Variants in ELF1 observed in about 807,000 individuals in gnomAD.
ELF1 encodes E74 like ETS transcription factor 1.
ELF1 carries 24 observed loss-of-function variants against 59.9 expected under a neutral mutation model. That is an observed-to-expected ratio of 0.40 (90% CI 0.29 to 0.56). ELF1 has a LOEUF of 0.56. Ranked by LOEUF, ELF1 falls within the 20% of genes least tolerant of loss-of-function variation. The probability of loss-of-function intolerance (pLI) is 0.44; values close to 1 mark genes in which losing one functional copy is unlikely to be tolerated. For synonymous variants in ELF1, 248 were observed against 266.2 expected, an observed-to-expected ratio of 0.93 and a Z score of 0.67; for missense variants, 627 against 742.2, an observed-to-expected ratio of 0.84 and a Z score of 1.80.
At chr13:40,994,405 A>C (rs1874028761) in intron 1 of ELF1, among the ~76,000 whole-genome samples, 1 of 152,204 alleles carries the variant, frequency 6.6e-6, no homozygotes, top group African/African-American at 2.4e-5. Flanking sequence ...GACTCTGGGA[A>C]GCCCAAGAGG....
Position 40,938,815 on chromosome 13 carries a change from T to C in ELF1, c.1256+2106A>G, listed in dbSNP as rs2138117248. Reference sequence around the variant, plus strand: ...GATTTTATTAATAAGTCATCAAAAATCAAGAAAGATATAGTCAAAGAGAAA... The same window carrying C: ...GATTTTATTAATAAGTCATCAAAAACCAAGAAAGATATAGTCAAAGAGAAA... On this transcript the variant is annotated intron_variant, in intron 8 of 8. Coordinates refer to ENST00000239882, the MANE Select transcript of ELF1 (RefSeq NM_172373.4). Among the ~76,000 whole-genome samples the C allele has an allele frequency of 1.3e-5, 2 of 151,598 alleles. 1 individual carries two copies. Among genetic ancestry groups the C allele is most frequent in the South Asian group, 4.2e-4 (2 of 4,814 alleles).
At chr13:41,039,648 C>T (rs1773540036) in intron 1 of ELF1, among the ~76,000 whole-genome samples, 1 of 152,114 alleles carries the variant, frequency 6.6e-6, no homozygotes, top group South Asian at 2.1e-4. Context: ...AGTTCTAAGA[C>T]AGTTTTTTAT....
chr13:40,987,464 T>C (rs914877672), intron 1 of ELF1, among the ~76,000 whole-genome samples: 4 of 149,322 alleles, frequency 2.7e-5, no homozygotes, highest in African/African-American at 9.8e-5. Flanking sequence ...TGAGTGCCTG[T>C]AATCCCAGCT....
At chr13:40,955,547 T>TGG (rs565781886) in intron 3 of ELF1, among the ~76,000 whole-genome samples, 1 of 22,368 alleles carries the variant, frequency 4.5e-5, no homozygotes, top group Non-Finnish European at 1.6e-4. Flanking sequence ...GGGAAGTAGG[T>TGG]GGGGGGGTCA....
At chr13:41,016,959 T>C (rs530891121) in intron 1 of ELF1, among the ~76,000 whole-genome samples, 1 of 104,180 alleles carries the variant, frequency 9.6e-6, no homozygotes, top group Non-Finnish European at 1.8e-5. Context: ...TATATATATA[T>C]ATATATATAT....
At chr13:40,955,728 A>G (rs868646828) in intron 3 of ELF1, among the ~76,000 whole-genome samples, 92 of 43,200 alleles carry the variant, frequency 2.1e-3, no homozygotes, top group Middle Eastern at 0.014. Context: ...GGAGGCGGGG[A>G]GGTCAGCCCC....
At chr13:40,945,837 AATTTC>A (rs1870469592) in intron 5 of ELF1, among the ~76,000 whole-genome samples, 1 of 152,044 alleles carries the variant, frequency 6.6e-6, no homozygotes, top group African/African-American at 2.4e-5. Flanking sequence ...TGATGTTTTC[AATTTC>A]ATTTCATTTT....
At chr13:40,956,578 A>G (rs1326157654) in intron 3 of ELF1, among the ~76,000 whole-genome samples, 2 of 148,714 alleles carry the variant, frequency 1.3e-5, no homozygotes, top group African/African-American at 4.9e-5. Flanking sequence ...GATCAAAAAA[A>G]AAAAAAAAAA....
chr13:40,975,542 T>G (rs1872854664), intron 2 of ELF1, among the ~76,000 whole-genome samples: 1 of 152,228 alleles, frequency 6.6e-6, no homozygotes, highest in South Asian at 2.1e-4. Context: ...ATTTGAAGTG[T>G]TTTCCACTAA....
intron 8 of ELF1, among the ~76,000 whole-genome samples, chr13:40,934,740 G>A (rs1217704850): frequency 6.6e-6 from 1 of 151,992 alleles, no homozygotes; most frequent in Non-Finnish European, 1.5e-5. Context: ...ATATTTGAGA[G>A]ATAATGTTAC....
Position 40,933,545 on chromosome 13 carries a change from C to T in ELF1, c.1740G>A (p.Glu580=), listed in dbSNP as rs765813749. 6.2e-7 allele frequency: 1 copy of T among 1,614,234 alleles called. No homozygotes were observed. ...EKKESEDHLK[E]NTEKTEQQPQ... ...GCTGCTGCTCCGTTTTCTCAGTGTT[C>T]TCTTTCAAATGATCTTCAGATTCCT... The change falls in exon 9 of 9, where the codon GAG becomes GAA. Residue 580 remains glutamate, a synonymous_variant. Transcript: ENST00000239882.
Position 40,953,522 on chromosome 13 carries a change from G to T in ELF1, c.254-2086C>A, listed in dbSNP as rs143331876. Among the ~76,000 whole-genome samples the T allele has an allele frequency of 8.9e-3, 1,351 of 152,308 alleles. 15 individuals carry two copies. Among genetic ancestry groups the T allele is most frequent in the South Asian group, 0.015 (74 of 4,826 alleles). ...GACAAGTCACCTATAAGTCCAGAAAGAAGCCTCAGAAGGAATTAACTCTAC... is the reference window on the plus strand; with the variant it reads ...GACAAGTCACCTATAAGTCCAGAAATAAGCCTCAGAAGGAATTAACTCTAC... On this transcript the variant is annotated intron_variant, in intron 3 of 8. Coordinates refer to ENST00000239882, the MANE Select transcript of ELF1 (RefSeq NM_172373.4).
At chr13:40,982,384 T>C (rs1873324349) in intron 1 of ELF1, 102 bp from the exon 2 acceptor site, 1 of 764,276 alleles carries the variant, frequency 1.3e-6, no homozygotes, top group Non-Finnish European at 1.6e-6. Context: ...TTTTTATTAT[T>C]AACGTTTTTA....
chr13:40,982,378 T>A (rs1261157093), intron 1 of ELF1, 96 bp from the exon 2 acceptor site: 1 of 820,848 alleles, frequency 1.2e-6, no homozygotes, highest in African/African-American at 1.8e-5. Flanking sequence ...AGCATTTTTT[T>A]ATTATTAACG....
At chr13:40,963,679 C>T (rs748227639) in intron 2 of ELF1, among the ~76,000 whole-genome samples, 4 of 152,252 alleles carry the variant, frequency 2.6e-5, no homozygotes, top group Admixed American at 1.3e-4. Flanking sequence ...GAGGCCGAGG[C>T]GGGCGGATCA....
Position 40,933,671 on chromosome 13 carries a change from A to G in ELF1, c.1614T>C (p.Ser538=). 6.2e-7 allele frequency: 1 copy of G among 1,614,250 alleles called. No individual in the cohort carries two copies. Residue 538 remains serine, a synonymous_variant, in exon 9 of 9, where the codon TCT becomes TCC. Coordinates refer to ENST00000239882, the MANE Select transcript of ELF1 (RefSeq NM_172373.4). The part of the protein sequence containing the change: ...FSATAPVVTF[S]PRSSQLVAHP... ...GAGCAACCAGCTGTGAACTGCGAGG[A>G]GAAAAGGTCACCACAGGTGCAGTAG...
intron 1 of ELF1, among the ~76,000 whole-genome samples, chr13:40,998,421 A>T (rs1874236270): frequency 6.6e-6 from 1 of 152,192 alleles, no homozygotes; most frequent in East Asian, 1.9e-4. Flanking sequence ...AACAGGCTAT[A>T]CCATATAGCC....
At chr13:41,029,219 T>C (rs1472302178) in intron 1 of ELF1, among the ~76,000 whole-genome samples, 2 of 152,212 alleles carry the variant, frequency 1.3e-5, no homozygotes, top group Non-Finnish European at 2.9e-5. Context: ...AGATTAAATA[T>C]GGTTTAAGTA....
Position 40,941,237 on chromosome 13 carries a change from A to T in ELF1, c.940T>A (p.Ser314Thr). ...TTTGAAGTGGCTGATGAAGATAGCG[A>T]TGGATCTGAAGACTCTATGCTGGAA... ...PSSSIESSDP[S>T]LSSSATSNRN... is the part of the protein sequence containing the mutation. Residue 314 changes from serine to threonine, a missense_variant, in exon 8 of 9, where the codon TCG becomes ACG. By Grantham distance (58) the Ser-to-Thr change is moderately conservative. Coordinates refer to ENST00000239882, the MANE Select transcript of ELF1 (RefSeq NM_172373.4). The T allele has an allele frequency of 6.2e-7, 1 of 1,614,206 alleles. No homozygotes were observed. Among genetic ancestry groups the T allele is most frequent in the African/African-American group, 1.3e-5 (1 of 75,056 alleles).
Sources: allele counts gnomAD v4.1 joint callset (sites outside exome capture counted in the v4.1 genomes callset), GRCh38; gene constraint gnomAD v4.1.1; transcripts MANE v1.5; gene names NCBI Gene and HGNC (gene_info 2026-07-23, HGNC 2026-07-21).